The following NEMF variants were observed in gnomAD, a reference collection of about 807,000 sequenced individuals.
NEMF encodes ribosome quality control complex subunit NEMF.
Under a neutral mutation model 162.2 loss-of-function variants are expected in NEMF, and 89 were observed. That is an observed-to-expected ratio of 0.55 (90% CI 0.46 to 0.65). NEMF has a LOEUF of 0.65. NEMF is among the 30% of genes least tolerant of loss of function. NEMF has a pLI of 0.00. For synonymous variants in NEMF, 421 were observed against 404.5 expected (o/e 1.04, Z -0.49); for missense variants, 1,133 against 1,261.9 (o/e 0.90, Z 1.55).
chr14:49,784,949 T>C lies in NEMF; in HGVS notation c.3129A>G (p.Glu1043=), dbSNP rs1377527986. The C allele has an allele frequency of 6.2e-7, 1 of 1,613,906 alleles. No individual in the cohort carries two copies. The highest frequency in any genetic ancestry group is 8.5e-7 in the Non-Finnish European group (1 of 1,179,884). ...CCTTTACGCTGCGGAATAAGTCTTT[T>C]TCTCTTGCTGTTGCTTCTTTGGAAT... ...FMHSKEATAR[E]KDLFRSVKDT... Residue 1043 remains glutamate, a synonymous_variant, in exon 32 of 33, where the codon GAA becomes GAG. Coordinates refer to ENST00000298310, the MANE Select transcript of NEMF (RefSeq NM_004713.6).
chr14:49,849,768 T>C (rs1893682310), intron 3 of NEMF: 1 of 152,238 alleles, frequency 6.6e-6, no homozygotes. Context: ...ATGAAATACA[T>C]ATTATTCATC....
intron 7 of NEMF, 118 bp from the exon 8 acceptor site, chr14:49,833,614 A>G (rs1315470689): frequency 7.2e-6 from 4 of 552,136 alleles, no homozygotes; most frequent in Non-Finnish European, 9.6e-6. Context: ...CGTTCAAGAA[A>G]ATTAGAGATA....
chr14:49,794,389 T>C (rs1890589620), intron 26 of NEMF, among the ~76,000 whole-genome samples: 1 of 151,996 alleles, frequency 6.6e-6, no homozygotes, highest in South Asian at 2.1e-4. Flanking sequence ...TGCAGCTCAC[T>C]GGAAAAAAGC....
intron 6 of NEMF, among the ~76,000 whole-genome samples, chr14:49,837,376 G>A (rs1170288871): frequency 6.6e-6 from 1 of 152,140 alleles, no homozygotes; most frequent in Admixed American, 6.5e-5. Flanking sequence ...GGAAGGCCAA[G>A]TGTGGTGGCT....
chr14:49,822,522 A>C (rs913313443), intron 16 of NEMF, among the ~76,000 whole-genome samples: 1 of 151,262 alleles, frequency 6.6e-6, no homozygotes, highest in African/African-American at 2.4e-5. Context: ...ACTCTGTCTC[A>C]AAGAAAAAAA....
chr14:49,831,446 C>CTT, intron 10 of NEMF, 85 bp from the exon 11 acceptor site: 1 of 640,672 alleles, frequency 1.6e-6, no homozygotes, highest in Non-Finnish European at 2.5e-6. Context: ...TTTTTTTTTT[C>CTT]TTTTTTTTTG....
chr14:49,834,465 A>G lies in NEMF; in HGVS notation c.575-16T>C, dbSNP rs1566698274. On this transcript the variant is annotated splice_polypyrimidine_tract_variant and intron_variant, in intron 6 of 32. Coordinates refer to ENST00000298310, the MANE Select transcript of NEMF (RefSeq NM_004713.6). ...GGTCCATAGGCTATAAATGCAGAGGATATTACTTTTAGTATTTTCCTATAA... is the reference window on the plus strand; with the variant it reads ...GGTCCATAGGCTATAAATGCAGAGGGTATTACTTTTAGTATTTTCCTATAA... 1 of 1,470,292 alleles carries G rather than the reference A, an allele frequency of 6.8e-7. No individual in the cohort carries two copies. The highest frequency in any genetic ancestry group is 9.4e-7 in the Non-Finnish European group (1 of 1,062,686). 91.1% of individuals were successfully genotyped at this position (1,470,292 alleles called of 1,614,324 possible).
rs558584429 is a variant in NEMF, at chr14:49,838,782, C to T, written c.507-576G>A. 2.6e-5 allele frequency among the ~76,000 whole-genome samples: 4 copies of T among 152,144 alleles called. No homozygotes were observed. The East Asian group carries it at 7.7e-4, about 29-fold the overall frequency. The stretch of plus-strand genomic sequence containing the variant: ...TGTATTTTTAGTAGAGACGGGGTTT[C>T]ACCGTGTTAGCCAGGATGGTCTCAA... On this transcript the variant is annotated intron_variant, in intron 5 of 32. Coordinates refer to ENST00000298310, the MANE Select transcript of NEMF (RefSeq NM_004713.6).
chr14:49,802,781 G>C, intron 20 of NEMF, 54 bp from the exon 21 acceptor site: 1 of 1,442,224 alleles, frequency 6.9e-7, no homozygotes, highest in Non-Finnish European at 9.5e-7. Context: ...TCCATTTTTT[G>C]CTTGTAAAAC....
At chr14:49,823,397 T>C (rs1892183776) in intron 16 of NEMF, among the ~76,000 whole-genome samples, 1 of 151,346 alleles carries the variant, frequency 6.6e-6, no homozygotes, top group Non-Finnish European at 1.5e-5. Flanking sequence ...TTAAAAAGGG[T>C]ATATTCCAAG....
At chr14:49,838,034 G>A (rs2139998690) in intron 6 of NEMF, 105 bp downstream of exon 6, 1 of 808,550 alleles carries the variant, frequency 1.2e-6, no homozygotes, top group Non-Finnish European at 2.0e-6. Flanking sequence ...TTACTCCAAG[G>A]ATCACTTGTT....
intron 18 of NEMF, among the ~76,000 whole-genome samples, chr14:49,806,638 T>G (rs1891231307): frequency 6.9e-6 from 1 of 144,238 alleles, no homozygotes; most frequent in East Asian, 4.6e-4. Context: ...AAAAATGTAT[T>G]TTTAATACTC....
At chr14:49,809,807 G>C (rs1047317803) in intron 18 of NEMF, among the ~76,000 whole-genome samples, 2 of 151,844 alleles carry the variant, frequency 1.3e-5, no homozygotes, top group Non-Finnish European at 1.5e-5. Flanking sequence ...GTTGCAGTAA[G>C]CTGAGATTAC....
intron 28 of NEMF, among the ~76,000 whole-genome samples, chr14:49,788,384 A>G (rs1890279683): frequency 6.6e-6 from 1 of 151,980 alleles, no homozygotes; most frequent in South Asian, 2.1e-4. Flanking sequence ...CAATCATCTT[A>G]GCTGGAAAAA....
chr14:49,822,717 C>A (rs941199275), intron 16 of NEMF, among the ~76,000 whole-genome samples: 2 of 146,184 alleles, frequency 1.4e-5, no homozygotes, highest in Non-Finnish European at 3.0e-5. Context: ...TGGCCCTTTC[C>A]TCTCATTTAT....
chr14:49,816,027 A>G (rs2139910169), intron 16 of NEMF, among the ~76,000 whole-genome samples: 1 of 152,300 alleles, frequency 6.6e-6, no homozygotes, highest in East Asian at 1.9e-4. Flanking sequence ...GCATCCCTTC[A>G]GTTCCTGTCA....
Position 49,814,774 on chromosome 14 carries a change from A to G in NEMF, c.1661T>C (p.Val554Ala). 6.3e-7 allele frequency: 1 copy of G among 1,582,924 alleles called. No homozygotes were observed. The highest frequency in any genetic ancestry group is 8.6e-7 in the Non-Finnish European group (1 of 1,168,376). ...GRDQQQNEII[V>A]KRYLTPGDIY... is the part of the protein sequence containing the mutation. ...CCTACCTGGTGTCAAGTATCTTTTC[A>G]CAATTATTTCATTCTGTTGCTGATC... The change falls in exon 17 of 33, where the codon GTG (valine) becomes GCG (alanine). Residue 554 changes from valine (V) to alanine (A), a missense_variant. This residue lies in a region of NEMF where 19 missense variants were observed against 51.8 expected (regional missense o/e 0.37). Transcript: ENST00000298310.
At chr14:49,791,009 T>A (rs1239110701) in intron 26 of NEMF, among the ~76,000 whole-genome samples, 4 of 151,484 alleles carry the variant, frequency 2.6e-5, no homozygotes, top group Admixed American at 2.0e-4. Flanking sequence ...ACAAAAAAAA[T>A]GTCAAGTGGG....
chr14:49,804,843 C>A (rs1327609229), intron 19 of NEMF, among the ~76,000 whole-genome samples: 7 of 151,882 alleles, frequency 4.6e-5, no homozygotes, highest in African/African-American at 1.5e-4. Flanking sequence ...CTGGCCTGGC[C>A]AACATGGCAA....
Sources: allele counts gnomAD v4.1 joint callset (sites outside exome capture counted in the v4.1 genomes callset), GRCh38; gene constraint gnomAD v4.1.1; regional missense constraint gnomAD v4.1.1; transcripts MANE v1.5; gene names NCBI Gene and HGNC (gene_info 2026-07-23, HGNC 2026-07-21).